SGTA: variants seen among roughly 807,000 people sequenced by gnomAD.
SGTA encodes the protein small glutamine rich tetratricopeptide repeat co-chaperone alpha, also known as small glutamine-rich tetratricopeptide repeat-containing protein alpha.
Under a neutral mutation model 44.3 loss-of-function variants are expected in SGTA, and 22 were observed. That is an observed-to-expected ratio of 0.50 (90% confidence interval 0.36 to 0.71). The LOEUF (loss-of-function observed/expected upper bound fraction) is 0.71. Ranked by LOEUF, SGTA falls within the 30% of genes least tolerant of loss-of-function variation. The probability of loss-of-function intolerance (pLI) is 0.00; values close to 1 mark genes in which losing one functional copy is unlikely to be tolerated. For synonymous variants in SGTA, 174 were observed against 177.6 expected (o/e 0.98, Z 0.16); for missense variants, 341 against 435.9 (o/e 0.78, Z 1.94).
chr19:2,767,783 G>T lies in SGTA; in HGVS notation c.101-97C>A. ...GGGGTTGGTGCTCATGCTTCCCCAG[G>T]TGTGTTCATTCCCAAGGACCCCAGA... On this transcript the variant is annotated intron_variant, in intron 2 of 11. Transcript: ENST00000221566. This position sits in a 1 kb window ranked among gnomAD's most constrained non-coding sequence, Gnocchi z 7.3. The T allele has an allele frequency of 1.1e-6, 1 of 896,144 alleles. No homozygotes were observed. Among genetic ancestry groups the T allele is most frequent in the Non-Finnish European group, 1.8e-6 (1 of 548,228 alleles). The allele number at this position is 896,144 out of a possible 1,614,324, so 55.5% of individuals were successfully genotyped here.
In SGTA at chr19:2,755,483, G is replaced by A. The variant is rs1359144221; in HGVS notation, c.*457C>T. On this transcript the variant is annotated 3_prime_UTR_variant, in exon 12 of 12. Coordinates refer to ENST00000221566, the MANE Select transcript of SGTA (RefSeq NM_003021.4). This position sits in a 1 kb window ranked among gnomAD's most constrained non-coding sequence, Gnocchi z 5.2. ...AGGCACAGGGCCGGGGTGGCCGGGA[G>A]GTCGACTCGGAAAGAGGCTTCTCAC... is the stretch of plus-strand genomic sequence containing the variant. 1.0e-6 allele frequency: 1 copy of A among 987,264 alleles called. No individual in the cohort carries two copies. Among genetic ancestry groups the A allele is most frequent in the Non-Finnish European group, 1.2e-6 (1 of 830,196 alleles). The allele number at this position is 987,264 out of a possible 1,614,324, so 61.2% of individuals were successfully genotyped here.
rs757586181 is a variant in SGTA, at chr19:2,769,041, C to T, written c.28G>A (p.Ala10Thr). Residue 10 changes from alanine to threonine, a missense_variant, in exon 2 of 12, where the codon GCC (alanine) becomes ACC (threonine). By Grantham distance (58) the Ala-to-Thr change is moderately conservative. Coordinates refer to ENST00000221566, the MANE Select transcript of SGTA (RefSeq NM_003021.4). The stretch of plus-strand genomic sequence containing the variant: ...TGGTCATGCAGGAACTGGATGATGG[C>T]GTAGGCCAGGCGCTTCTTGTTGTCC... The part of the protein sequence containing the change: MDNKKRLAY[A>T]IIQFLHDQLR... 10 of 1,613,854 alleles carry T rather than the reference C, an allele frequency of 6.2e-6. No individual in the cohort carries two copies. Among genetic ancestry groups the T allele is most frequent in the African/African-American group, 2.7e-5 (2 of 74,928 alleles).
intron 1 of SGTA, among the ~76,000 whole-genome samples, chr19:2,776,261 T>C (rs1915443220): frequency 6.6e-6 from 1 of 152,208 alleles, no homozygotes; most frequent in Non-Finnish European, 1.5e-5. Flanking sequence ...TTAAGCACGT[T>C]TTGACAACAG....
Position 2,755,547 on chromosome 19 carries a change from G to T in SGTA, c.*393C>A, listed in dbSNP as rs1360215837. On this transcript the variant is annotated 3_prime_UTR_variant, in exon 12 of 12. Coordinates refer to ENST00000221566, the MANE Select transcript of SGTA (RefSeq NM_003021.4). The surrounding 1 kb of genome is among the most constrained non-coding windows in gnomAD (Gnocchi z 5.2). ...CCTGCAGACAGACCACGGGATGGGG[G>T]GCGGGGGCTGTAAAAGGCTTTGGAA... is the stretch of plus-strand genomic sequence containing the variant. 1 of 986,094 alleles carries T rather than the reference G, an allele frequency of 1.0e-6. No homozygotes were observed. Among genetic ancestry groups the T allele is most frequent in the Admixed American group, 6.1e-5 (1 of 16,280 alleles). The allele number at this position is 986,094 out of a possible 1,614,324, so 61.1% of individuals were successfully genotyped here.
chr19:2,771,581 G>GC (rs1243440043), intron 1 of SGTA, among the ~76,000 whole-genome samples: 1 of 151,720 alleles, frequency 6.6e-6, no homozygotes, highest in Non-Finnish European at 1.5e-5. Context: ...CCATCGGGGG[G>GC]GGGGGGAGGG....
intron 1 of SGTA, among the ~76,000 whole-genome samples, chr19:2,769,370 A>G (rs4807328): frequency 0.37 from 56,329 of 151,772 alleles, 12,686 homozygotes; most frequent in East Asian, 0.74. Flanking sequence ...CCTCCTGAGC[A>G]CTCCCAGGGT....
At chr19:2,780,482 A>C (rs113880029) in intron 1 of SGTA, among the ~76,000 whole-genome samples, 2 of 152,168 alleles carry the variant, frequency 1.3e-5, no homozygotes, top group African/African-American at 4.8e-5. Context: ...GAGGCCTCTC[A>C]CCAGCTGGGG....
rs967796608 is a variant in SGTA at position 2,757,802 on chromosome 19, A to G, written c.738-20T>C. ...GACATGCTGCAGGAGAGAGCGCGTG[A>G]CTCGCAGCCGGGACAGCCTGACCGC... On this transcript the variant is annotated intron_variant, in intron 9 of 11. Coordinates refer to ENST00000221566, the MANE Select transcript of SGTA (RefSeq NM_003021.4). The G allele has an allele frequency of 3.9e-6, 6 of 1,528,006 alleles. No homozygotes were observed. The Middle Eastern group carries it at 7.0e-4, about 177-fold the overall frequency. 94.7% of individuals were successfully genotyped at this position (1,528,006 alleles called of 1,614,324 possible). A position where few individuals can be genotyped will look rare whatever the true frequency, so the allele number is the denominator to read the frequency against.
At chr19:2,759,143 T>A (rs904607535) in intron 9 of SGTA, 114 bp downstream of exon 9, 14 of 924,924 alleles carry the variant, frequency 1.5e-5, no homozygotes, top group Non-Finnish European at 1.8e-6. Context: ...TGAAAGTCCT[T>A]AATGCCATTA....
chr19:2,757,198 C>G (rs1914843339), intron 11 of SGTA, 139 bp downstream of exon 11: 1 of 1,087,310 alleles, frequency 9.2e-7, no homozygotes, highest in Non-Finnish European at 1.3e-6. Context: ...GAGCTGGATG[C>G]ACCCAGGACT....
chr19:2,755,498 A>T lies in SGTA; in HGVS notation c.*442T>A, dbSNP rs1264949033. On this transcript the variant is annotated 3_prime_UTR_variant, in exon 12 of 12. Coordinates refer to ENST00000221566, the MANE Select transcript of SGTA (RefSeq NM_003021.4). The surrounding 1 kb of genome is among the most constrained non-coding windows in gnomAD (Gnocchi z 5.2). ...GTGGCCGGGAGGTCGACTCGGAAAG[A>T]GGCTTCTCACAGACGGGAGAGTTCC... is the stretch of plus-strand genomic sequence containing the variant. The T allele has an allele frequency of 1.0e-6, 1 of 986,870 alleles. No individual in the cohort carries two copies. The highest frequency in any genetic ancestry group is 1.2e-6 in the Non-Finnish European group (1 of 830,114). 61.1% of individuals were successfully genotyped at this position (986,870 alleles called of 1,614,324 possible). A position where few individuals can be genotyped will look rare whatever the true frequency, so the allele number is the denominator to read the frequency against.
intron 1 of SGTA, among the ~76,000 whole-genome samples, chr19:2,781,850 T>A (rs2144746327): frequency 6.6e-6 from 1 of 150,852 alleles, no homozygotes; most frequent in African/African-American, 2.5e-5. Context: ...TAGATTTTTT[T>A]TTTTTATTTT....
intron 1 of SGTA, among the ~76,000 whole-genome samples, chr19:2,772,398 A>T (rs1915333764): frequency 6.6e-6 from 1 of 152,186 alleles, no homozygotes; most frequent in Admixed American, 6.5e-5. Flanking sequence ...CTGACCCAGC[A>T]CCCAGGAGGC....
chr19:2,760,350 C>T (rs957015822), intron 8 of SGTA, among the ~76,000 whole-genome samples: 9 of 151,732 alleles, frequency 5.9e-5, no homozygotes, highest in African/African-American at 2.2e-4. Flanking sequence ...AACCCCATTT[C>T]TATTAAAAAA....
At chr19:2,768,889 T>C in intron 2 of SGTA, 80 bp downstream of exon 2, 1 of 1,032,482 alleles carries the variant, frequency 9.7e-7, no homozygotes, top group Non-Finnish European at 1.5e-6. Context: ...GGACCAGGCA[T>C]CTACACACCA....
Position 2,757,422 on chromosome 19 carries a change from TTCTGCTGCTGCA to T in SGTA, c.851_862del (p.Met284_Gln287del), listed in dbSNP as rs1481157567. 2 of 1,609,042 alleles carry T rather than the reference TTCTGCTGCTGCA, an allele frequency of 1.2e-6. No homozygotes were observed. The highest frequency in any genetic ancestry group is 1.7e-6 in the Non-Finnish European group (2 of 1,179,934). On this transcript the variant is annotated inframe_deletion, in exon 11 of 12. Transcript: ENST00000221566. The stretch of plus-strand genomic sequence containing the variant: ...CCTGAGCTGCTCTATCAACTCTGGG[TTCTGCTGCTGCA>T]TCTGCTGGGCAAACTGCTGGCCCCT...
At position 2,761,079 on chromosome 19, in the gene SGTA, G is replaced by A. The variant is rs1410690505; in HGVS notation, c.699+381C>T. ...CTTGCCTGAACCTTAGGAGGCAGAC[G>A]CTGCTGTGTTGTGATCAGTGTCTCT... On this transcript the variant is annotated intron_variant, in intron 8 of 11. Transcript: ENST00000221566. The surrounding 1 kb of genome is among the most constrained non-coding windows in gnomAD (Gnocchi z 5.7). 6.6e-6 allele frequency among the ~76,000 whole-genome samples: 1 copy of A among 152,234 alleles called. No homozygotes were observed. Among genetic ancestry groups the A allele is most frequent in the Non-Finnish European group, 1.5e-5 (1 of 68,028 alleles).
chr19:2,766,158 G>T (rs1915137479), intron 4 of SGTA, among the ~76,000 whole-genome samples: 1 of 152,144 alleles, frequency 6.6e-6, no homozygotes, highest in Admixed American at 6.5e-5. Context: ...AGAGGTTGCA[G>T]TGAGCCGAGA....
At position 2,771,416 on chromosome 19, in the gene SGTA, C is replaced by G. The variant is rs559109869; in HGVS notation, c.-23-2325G>C. Among the ~76,000 whole-genome samples, 82 of 151,554 alleles carry G rather than the reference C, an allele frequency of 5.4e-4. No homozygotes were observed. In the South Asian group the frequency reaches 0.017, roughly 31 times the overall value. ...TCCAGCCTGGCAACAGAGTGAGACT[C>G]CATGTCAAAAAAAAAAAATCATGAT... is the stretch of plus-strand genomic sequence containing the variant. On this transcript the variant is annotated intron_variant, in intron 1 of 11. Coordinates refer to ENST00000221566, the MANE Select transcript of SGTA (RefSeq NM_003021.4).
Sources: gnomAD v4.1 joint callset for allele counts (sites outside exome capture counted in the v4.1 genomes callset) on GRCh38, gnomAD v4.1.1 for gene constraint, Gnocchi (gnomAD v3.1) non-coding constraint, MANE v1.5 for transcripts, NCBI Gene and HGNC (gene_info 2026-07-23, HGNC 2026-07-21) for gene names.